CACNA1C: variants seen among roughly 807,000 people sequenced by gnomAD.
The protein encoded by CACNA1C is voltage-dependent L-type calcium channel subunit alpha-1C.
In CACNA1C, 30 loss-of-function variants were observed where a neutral mutation model predicts 229.0. That is an observed-to-expected ratio of 0.13 (90% CI 0.10 to 0.18). CACNA1C has a LOEUF of 0.18. CACNA1C is among the 10% of genes least tolerant of loss of function. The probability of loss-of-function intolerance (pLI) is 1.00; values close to 1 mark genes in which losing one functional copy is unlikely to be tolerated. For synonymous variants in CACNA1C, 1,114 were observed against 1,132.5 expected (o/e 0.98, Z 0.33); for missense variants, 1,658 against 2,845.0 (o/e 0.58, Z 9.49).
chr12:2,208,090 G>A (rs180986754), intron 3 of CACNA1C, among the ~76,000 whole-genome samples: 1 of 152,236 alleles, frequency 6.6e-6, no homozygotes, highest in Admixed American at 6.5e-5. Context: ...AACCACATAC[G>A]CCATGGCTCT....
In CACNA1C at chr12:2,215,960, C is replaced by A. The variant is rs1225548313; in HGVS notation, c.477+95530C>A. Among the ~76,000 whole-genome samples, 1 of 152,210 alleles carries A rather than the reference C, an allele frequency of 6.6e-6. No individual in the cohort carries two copies. The highest frequency in any genetic ancestry group is 2.4e-5 in the African/African-American group (1 of 41,450). On this transcript the variant is annotated intron_variant, in intron 3 of 46. Transcript: ENST00000399655. The surrounding 1 kb of genome is among the most constrained non-coding windows in gnomAD (Gnocchi z 5.0). ...CCTGTTCTCGAAGTCACCATGCCGC[C>A]CATCAGTTGACATGCTCTGTTGTCA... is the stretch of plus-strand genomic sequence containing the variant.
At chr12:2,617,456 G>A (rs2081221220) in intron 29 of CACNA1C, among the ~76,000 whole-genome samples, 1 of 152,222 alleles carries the variant, frequency 6.6e-6, no homozygotes. Context: ...AGCCCACTCT[G>A]CATCGTGAAG....
chr12:2,611,884 C>T lies in CACNA1C; in HGVS notation c.3718-19C>T. On this transcript the variant is annotated intron_variant, in intron 28 of 46. Transcript: ENST00000399655. ...CCTCCCTGCCCCGTGTTCACAGCTC[C>T]TCCCCTCTCCTGATGCAGCACTACG... The T allele has an allele frequency of 2.0e-6, 3 of 1,531,992 alleles. No individual in the cohort carries two copies. The highest frequency in any genetic ancestry group is 2.7e-6 in the Non-Finnish European group (3 of 1,105,738). 94.9% of individuals were successfully genotyped at this position (1,531,992 alleles called of 1,614,324 possible).
chr12:2,424,595 A>G (rs1345434234), intron 3 of CACNA1C, among the ~76,000 whole-genome samples: 1 of 152,110 alleles, frequency 6.6e-6, no homozygotes, highest in Non-Finnish European at 1.5e-5. Context: ...ACATGTGGGT[A>G]GGGGGTGAGT....
At chr12:2,135,060 T>C (rs1262556478) in intron 3 of CACNA1C, among the ~76,000 whole-genome samples, 4 of 146,790 alleles carry the variant, frequency 2.7e-5, no homozygotes, top group Admixed American at 6.8e-5. Context: ...ATTCATTTCA[T>C]CTTCCATTGC....
intron 3 of CACNA1C, among the ~76,000 whole-genome samples, chr12:2,274,925 T>C (rs979882500): frequency 6.6e-6 from 1 of 152,178 alleles, no homozygotes; most frequent in Non-Finnish European, 1.5e-5. Flanking sequence ...TCAGGAGATG[T>C]TGGTCCCTGG....
chr12:2,610,409 T>A (rs1425836823), intron 27 of CACNA1C, 132 bp from the exon 28 acceptor site: 5 of 881,216 alleles, frequency 5.7e-6, no homozygotes, highest in Non-Finnish European at 8.7e-6. Flanking sequence ...GAGCGGCCAA[T>A]GATTTCTCAG....
chr12:2,461,881 A>T (rs551162019), intron 5 of CACNA1C, among the ~76,000 whole-genome samples: 112 of 152,284 alleles, frequency 7.4e-4, no homozygotes, highest in Admixed American at 3.3e-3. Flanking sequence ...AGCCTCCTGC[A>T]GGAGTCTCTG....
At chr12:2,661,270 T>TAC (rs571791344) in intron 34 of CACNA1C, among the ~76,000 whole-genome samples, 7,233 of 130,900 alleles carry the variant, frequency 0.055, 262 homozygotes, top group East Asian at 0.14. Context: ...TCTAAACACA[T>TAC]ACACACACAT....
At chr12:2,517,427 C>A (rs1289282985) in intron 9 of CACNA1C, among the ~76,000 whole-genome samples, 1 of 152,238 alleles carries the variant, frequency 6.6e-6, no homozygotes, top group African/African-American at 2.4e-5. Context: ...AATGCCAATA[C>A]TAGCCACTGC....
rs147501479 is a variant in CACNA1C, at chr12:2,565,877, C to T, written c.1509-545C>T. Among the ~76,000 whole-genome samples the T allele has an allele frequency of 1.6e-4, 25 of 152,328 alleles. 1 individual carries two copies. The East Asian group carries it at 4.8e-3, about 29-fold the overall frequency. ...GGCCAAGAGGCTGGGCAGAAAACTA[C>T]GGATGGCTCTGCCTGCTGTGATATT... On this transcript the variant is annotated intron_variant, in intron 11 of 46. Coordinates refer to ENST00000399655, the MANE Select transcript of CACNA1C (RefSeq NM_000719.7).
intron 5 of CACNA1C, among the ~76,000 whole-genome samples, chr12:2,473,488 T>G (rs899582654): frequency 6.6e-6 from 1 of 152,246 alleles, no homozygotes; most frequent in Non-Finnish European, 1.5e-5. Context: ...TATTTTACTT[T>G]ATATGTCACA....
In CACNA1C at chr12:2,029,457, C is replaced by T. The variant is rs1159680815; in HGVS notation, c.139+58256C>T. Among the ~76,000 whole-genome samples, 1 of 152,182 alleles carries T rather than the reference C, an allele frequency of 6.6e-6. No homozygotes were observed. Among genetic ancestry groups the T allele is most frequent in the Non-Finnish European group, 1.5e-5 (1 of 68,030 alleles). On this transcript the variant is annotated intron_variant, in intron 1 of 46. Transcript: ENST00000682462. The surrounding 1 kb of genome is among the most constrained non-coding windows in gnomAD (Gnocchi z 4.9). ...GCCTCACCCAGGGCCCTGGCAGCCA[C>T]CGCTCTGCTTTCTGTCTCCGTGGAT...
intron 3 of CACNA1C, among the ~76,000 whole-genome samples, chr12:2,406,246 G>A (rs769568569): frequency 1.7e-4 from 26 of 152,052 alleles, no homozygotes; most frequent in Non-Finnish European, 2.8e-4. Context: ...GGATTTCTTT[G>A]GGCTTATCCT....
intron 9 of CACNA1C, among the ~76,000 whole-genome samples, chr12:2,514,126 G>A (rs2099791057): frequency 1.3e-5 from 2 of 152,198 alleles, no homozygotes; most frequent in Admixed American, 6.5e-5. Flanking sequence ...GGCATTTGCT[G>A]CGTGGAGTCA....
At chr12:2,159,324 G>T (rs551897310) in intron 3 of CACNA1C, among the ~76,000 whole-genome samples, 1 of 152,020 alleles carries the variant, frequency 6.6e-6, no homozygotes, top group Admixed American at 6.6e-5. Context: ...GCGAGACCCC[G>T]TCTCTACAGA....
At chr12:2,431,059 A>T (rs1160469180) in intron 3 of CACNA1C, among the ~76,000 whole-genome samples, 1 of 152,080 alleles carries the variant, frequency 6.6e-6, no homozygotes, top group Non-Finnish European at 1.5e-5. Context: ...GGGCAGGGTG[A>T]TATGTTTGAG....
In CACNA1C at chr12:2,426,216, G is replaced by A. The variant is rs551408459; in HGVS notation, c.478-22760G>A. 1.7e-3 allele frequency among the ~76,000 whole-genome samples: 253 copies of A among 152,252 alleles called. 1 individual carries two copies. Among genetic ancestry groups the A allele is most frequent in the African/African-American group, 5.7e-3 (235 of 41,538 alleles). The stretch of plus-strand genomic sequence containing the variant: ...TGTGCAAAATACTGGGTTAAAAACT[G>A]GGGGGTCTAAATATGATACATGCCT... On this transcript the variant is annotated intron_variant, in intron 3 of 46. Coordinates refer to ENST00000399655, the MANE Select transcript of CACNA1C (RefSeq NM_000719.7).
At chr12:1,993,266 C>T (rs1425080181) in intron 1 of CACNA1C, 1 of 1,614,136 alleles carries the variant, frequency 6.2e-7, no homozygotes, top group East Asian at 2.2e-5. Flanking sequence ...AGACTCACAT[C>T]TGGCATTTCT....
Sources: gnomAD v4.1 joint callset for allele counts (sites outside exome capture counted in the v4.1 genomes callset) on GRCh38, gnomAD v4.1.1 for gene constraint, Gnocchi (gnomAD v3.1) non-coding constraint, MANE v1.5 for transcripts, NCBI Gene and HGNC (gene_info 2026-07-23, HGNC 2026-07-21) for gene names.